The following NLGN1 variants were observed in gnomAD, a reference collection of about 807,000 sequenced individuals.
NLGN1 encodes neuroligin-1.
Under a neutral mutation model 65.5 loss-of-function variants are expected in NLGN1, and 12 were observed. That is an observed-to-expected ratio of 0.18 (90% CI 0.12 to 0.30). NLGN1 has a LOEUF of 0.30. NLGN1 is among the 10% of genes least tolerant of loss of function. The pLI is 1.00. For missense variants in NLGN1, 750 were observed against 1,007.1 expected (o/e 0.74, Z 3.46); for synonymous variants, 350 against 359.5 (o/e 0.97, Z 0.30).
intron 1 of NLGN1, among the ~76,000 whole-genome samples, chr3:173,414,347 T>C (rs991607273): frequency 2.6e-5 from 4 of 152,100 alleles, no homozygotes; most frequent in African/African-American, 9.7e-5. Context: ...AGGGCATGTC[T>C]CCTGCTTAGG....
intron 2 of NLGN1, among the ~76,000 whole-genome samples, chr3:173,492,209 C>T (rs1560332108): frequency 6.6e-6 from 1 of 151,760 alleles, no homozygotes. Context: ...GTGTTTAGTG[C>T]AGTATCTGAC....
chr3:173,570,091 G>A (rs1272328301), intron 2 of NLGN1, among the ~76,000 whole-genome samples: 1 of 152,192 alleles, frequency 6.6e-6, no homozygotes, highest in African/African-American at 2.4e-5. Context: ...CCTATCTTGG[G>A]AGTGGGGGCC....
intron 4 of NLGN1, among the ~76,000 whole-genome samples, chr3:173,813,498 G>A (rs1011110404): frequency 1.2e-4 from 18 of 152,136 alleles, no homozygotes; most frequent in African/African-American, 4.1e-4. Flanking sequence ...ACCGGAGGAA[G>A]GCCACAAAGA....
intron 4 of NLGN1, among the ~76,000 whole-genome samples, chr3:174,045,492 G>A (rs1359902915): frequency 6.6e-6 from 1 of 152,038 alleles, no homozygotes; most frequent in African/African-American, 2.4e-5. Flanking sequence ...CAATACATGG[G>A]GAGTATAATT....
At chr3:174,047,910 G>A (rs1733977581) in intron 4 of NLGN1, among the ~76,000 whole-genome samples, 2 of 151,916 alleles carry the variant, frequency 1.3e-5, no homozygotes, top group East Asian at 1.9e-4. Flanking sequence ...AAAAACAAAG[G>A]GACAGTAGAG....
chr3:173,742,110 G>A (rs1426676989), intron 3 of NLGN1, among the ~76,000 whole-genome samples: 2 of 151,882 alleles, frequency 1.3e-5, no homozygotes, highest in African/African-American at 4.8e-5. Flanking sequence ...TGCTTTTCCA[G>A]GAATCCATTC....
chr3:173,797,699 C>CAAA (rs758416340), intron 3 of NLGN1, among the ~76,000 whole-genome samples: 45 of 147,218 alleles, frequency 3.1e-4, no homozygotes, highest in Non-Finnish European at 5.1e-4. Flanking sequence ...ACAACAACAA[C>CAAA]AAAAAAAAAC....
chr3:173,455,714 A>G, intron 2 of NLGN1, among the ~76,000 whole-genome samples: 1 of 151,862 alleles, frequency 6.6e-6, no homozygotes, highest in Non-Finnish European at 1.5e-5. Context: ...GAGTATATAT[A>G]TGTGTGTATA....
At chr3:173,747,801 C>CTTCTTCTTTTTTTTTTT (rs1775714048) in intron 3 of NLGN1, among the ~76,000 whole-genome samples, 2 of 64,422 alleles carry the variant, frequency 3.1e-5, no homozygotes, top group African/African-American at 1.2e-4. Context: ...TCTTCTTGTT[C>CTTCTTCTTTTTTTTTTT]TTTTTTTTTT....
At chr3:174,115,837 T>G (rs549423369) in intron 4 of NLGN1, among the ~76,000 whole-genome samples, 2 of 152,308 alleles carry the variant, frequency 1.3e-5, no homozygotes, top group East Asian at 3.9e-4. Context: ...CTTTAATGCT[T>G]TATTTGCTCA....
chr3:174,058,735 T>G (rs1736733528), intron 4 of NLGN1, among the ~76,000 whole-genome samples: 1 of 152,110 alleles, frequency 6.6e-6, no homozygotes, highest in African/African-American at 2.4e-5. Flanking sequence ...GTGGTAGACA[T>G]GTACCTTGTA....
chr3:174,239,724 C>T (rs1445881951), intron 4 of NLGN1, among the ~76,000 whole-genome samples: 2 of 152,104 alleles, frequency 1.3e-5, no homozygotes, highest in African/African-American at 4.8e-5. Flanking sequence ...AGAGTGTACA[C>T]CAATCAGCTA....
intron 4 of NLGN1, among the ~76,000 whole-genome samples, chr3:173,887,841 C>T (rs1323559501): frequency 1.3e-5 from 2 of 151,746 alleles, no homozygotes; most frequent in South Asian, 4.2e-4. Flanking sequence ...AATTTTCACT[C>T]AGAAAATTTG....
At chr3:173,448,979 G>T (rs1240615368) in intron 2 of NLGN1, among the ~76,000 whole-genome samples, 1 of 152,008 alleles carries the variant, frequency 6.6e-6, no homozygotes, top group Non-Finnish European at 1.5e-5. Context: ...CTTGCCAGCG[G>T]TCTATCAATT....
chr3:174,231,042 T>C (rs1177241328), intron 4 of NLGN1, among the ~76,000 whole-genome samples: 2 of 152,172 alleles, frequency 1.3e-5, no homozygotes, highest in Non-Finnish European at 2.9e-5. Flanking sequence ...AGTTAAGCTA[T>C]AAACTAAGTT....
intron 4 of NLGN1, among the ~76,000 whole-genome samples, chr3:173,903,937 A>G (rs1737857288): frequency 6.6e-6 from 1 of 151,910 alleles, no homozygotes; most frequent in African/African-American, 2.4e-5. Flanking sequence ...CCCAGCACAG[A>G]CTCAGAAGGC....
Position 173,939,322 on chromosome 3 carries a change from T to A in NLGN1, c.646+131490T>A, listed in dbSNP as rs115388073. Among the ~76,000 whole-genome samples, 1,044 of 152,286 alleles carry A rather than the reference T, an allele frequency of 6.9e-3. 9 individuals are homozygous for A. The highest frequency in any genetic ancestry group is 0.024 in the African/African-American group (1,015 of 41,550). ...TCCCTTCAACTGAAAAGAATCAAGT[T>A]AAATCTGTAGGGAATGAAAACTAAA... On this transcript the variant is annotated intron_variant, in intron 4 of 6. Transcript: ENST00000457714.
intron 4 of NLGN1, among the ~76,000 whole-genome samples, chr3:174,045,239 T>A (rs1456728204): frequency 6.6e-6 from 1 of 152,110 alleles, no homozygotes; most frequent in Non-Finnish European, 1.5e-5. Flanking sequence ...AAAAGAGGTT[T>A]TAATTGACTC....
At chr3:173,614,271 A>G (rs1447857737) in intron 3 of NLGN1, among the ~76,000 whole-genome samples, 2 of 152,102 alleles carry the variant, frequency 1.3e-5, no homozygotes, top group African/African-American at 4.8e-5. Flanking sequence ...CACTAGGACA[A>G]GTAATGTAAC....
Sources: allele counts gnomAD v4.1 joint callset (sites outside exome capture counted in the v4.1 genomes callset), GRCh38; gene constraint gnomAD v4.1.1; transcripts MANE v1.5; gene names NCBI Gene and HGNC (gene_info 2026-07-23, HGNC 2026-07-21).